MAGEF1: variants seen among roughly 807,000 people sequenced by gnomAD.
MAGEF1 encodes the protein MAGE family member F1.
For missense variants in MAGEF1, 418 were observed against 399.5 expected (o/e 1.05, Z -0.39); for synonymous variants, 150 against 163.6 (o/e 0.92, Z 0.63).
rs1197811820 is a variant in MAGEF1 at position 184,711,506 on chromosome 3, C to T, written c.316G>A (p.Val106Ile). Residue 106 changes from valine to isoleucine, a missense_variant, in exon 1 of 1, where the codon GTT becomes ATT. Transcript: ENST00000317897. The part of the protein sequence containing the change: ...PITRSEMVKY[V>I]IGDLKILFPD... ...AACAGAATCTTCAAGTCTCCAATAA[C>T]GTATTTCACCATCTCCGAGCGTGTG... 2 of 1,614,244 alleles carry T rather than the reference C, an allele frequency of 1.2e-6. No homozygotes were observed. The highest frequency in any genetic ancestry group is 2.2e-5 in the East Asian group (1 of 44,860).
Position 184,711,759 on chromosome 3 carries a change from G to A in MAGEF1, c.63C>T (p.Gly21=), listed in dbSNP as rs918782687. 2.0e-6 allele frequency: 3 copies of A among 1,522,534 alleles called. No individual in the cohort carries two copies. Among genetic ancestry groups the A allele is most frequent in the African/African-American group, 1.4e-5 (1 of 71,718 alleles). 94.3% of individuals were successfully genotyped at this position (1,522,534 alleles called of 1,614,324 possible). ...PVPQAEGEKD[G]GHDGETRAPT... ...GGGCCCGGGTCTCACCATCATGGCC[G>A]CCATCCTTCTCCCCCTCGGCCTGCG... The change falls in exon 1 of 1, where the codon GGC becomes GGT. Residue 21 remains glycine, a synonymous_variant. Coordinates refer to ENST00000317897, the MANE Select transcript of MAGEF1 (RefSeq NM_022149.5).
the MAGEF1 span, chr3:184,711,794 GC>G: frequency 1.3e-6 from 2 of 1,519,288 alleles, no homozygotes; most frequent in Non-Finnish European, 1.8e-6. Context: ...GGGACCGGGA[GC>G]CCCCTGCTCT....
At position 184,711,732 on chromosome 3, in the gene MAGEF1, C is replaced by T. The variant is rs771071177; in HGVS notation, c.90G>A (p.Pro30=). 2 of 1,533,466 alleles carry T rather than the reference C, an allele frequency of 1.3e-6. No homozygotes were observed. Among genetic ancestry groups the T allele is most frequent in the Non-Finnish European group, 1.7e-6 (2 of 1,145,972 alleles). 95.0% of individuals were successfully genotyped at this position (1,533,466 alleles called of 1,614,324 possible). A position where few individuals can be genotyped will look rare whatever the true frequency, so the allele number is the denominator to read the frequency against. The change falls in exon 1 of 1, where the codon CCG becomes CCA. Residue 30 remains proline (P), a synonymous_variant. Coordinates refer to ENST00000317897, the MANE Select transcript of MAGEF1 (RefSeq NM_022149.5). ...DGGHDGETRA[P]TASQERPKEE... Reference sequence around the variant, plus strand: ...CCTTGGGGCGCTCCTGCGAGGCGGTCGGGGCCCGGGTCTCACCATCATGGC... The same window carrying T: ...CCTTGGGGCGCTCCTGCGAGGCGGTTGGGGCCCGGGTCTCACCATCATGGC...
chr3:184,711,846 C>A lies in MAGEF1; in HGVS notation c.-25G>T. ...TGTTTTCGGGCAGGCAGGTGCAGAGCGCGTACACGGGCCGAGGGGTGTGGG... is the reference window on the plus strand; with the variant it reads ...TGTTTTCGGGCAGGCAGGTGCAGAGAGCGTACACGGGCCGAGGGGTGTGGG... On this transcript the variant is annotated 5_prime_UTR_variant, in exon 1 of 1. Coordinates refer to ENST00000317897, the MANE Select transcript of MAGEF1 (RefSeq NM_022149.5). 3 of 1,474,604 alleles carry A rather than the reference C, an allele frequency of 2.0e-6. No individual in the cohort carries two copies. Among genetic ancestry groups the A allele is most frequent in the Non-Finnish European group, 2.7e-6 (3 of 1,113,856 alleles). 91.3% of individuals were successfully genotyped at this position (1,474,604 alleles called of 1,614,324 possible). A position where few individuals can be genotyped will look rare whatever the true frequency, so the allele number is the denominator to read the frequency against.
Position 184,710,659 on chromosome 3 carries a change from T to C in MAGEF1, c.*239A>G, listed in dbSNP as rs1712187717. 1.9e-6 allele frequency: 1 copy of C among 533,414 alleles called. No individual in the cohort carries two copies. The highest frequency in any genetic ancestry group is 4.1e-5 in the Admixed American group (1 of 24,648). The allele number at this position is 533,414 out of a possible 1,614,324, so 33.0% of individuals were successfully genotyped here. ...TATAAATACAAAGTTCTTCCATCCATTTTACAAAACCAGCAAAACTCTACA... is the reference window on the plus strand; with the variant it reads ...TATAAATACAAAGTTCTTCCATCCACTTTACAAAACCAGCAAAACTCTACA... On this transcript the variant is annotated 3_prime_UTR_variant, in exon 1 of 1. Transcript: ENST00000317897.
Position 184,712,057 on chromosome 3 carries a change from C to G in MAGEF1, c.-236G>C, listed in dbSNP as rs963109492. On this transcript the variant is annotated 5_prime_UTR_variant, in exon 1 of 1. Transcript: ENST00000317897. Reference sequence around the variant, plus strand: ...CCTCAGTCCGCGCCCGCGCGAGGGGCCACTTCCGGCCACCTCAGCCAGGAC... The same window carrying G: ...CCTCAGTCCGCGCCCGCGCGAGGGGGCACTTCCGGCCACCTCAGCCAGGAC... The G allele has an allele frequency of 3.4e-6, 2 of 588,330 alleles. No homozygotes were observed. Among genetic ancestry groups the G allele is most frequent in the African/African-American group, 3.9e-5 (2 of 51,442 alleles). 36.4% of individuals were successfully genotyped at this position (588,330 alleles called of 1,614,324 possible). A position where few individuals can be genotyped will look rare whatever the true frequency, so the allele number is the denominator to read the frequency against.
In MAGEF1 at chr3:184,710,791, T is replaced by TCA. The variant is rs2108473893; in HGVS notation, c.*105_*106dup. On this transcript the variant is annotated 3_prime_UTR_variant, in exon 1 of 1. Transcript: ENST00000317897. ...AGATACAAAATCTAAATCCTTAAAG[T>TCA]CACACGATTTCTACAGAAATAAGAC... 7.2e-7 allele frequency: 1 copy of TCA among 1,382,224 alleles called. No homozygotes were observed. Among genetic ancestry groups the TCA allele is most frequent in the Non-Finnish European group, 9.4e-7 (1 of 1,058,844 alleles). The allele number at this position is 1,382,224 out of a possible 1,614,324, so 85.6% of individuals were successfully genotyped here.
chr3:184,711,801 G>T lies in MAGEF1; in HGVS notation c.21C>A (p.Ser7Arg). 6.6e-7 allele frequency: 1 copy of T among 1,515,848 alleles called. No individual in the cohort carries two copies. Among genetic ancestry groups the T allele is most frequent in the Non-Finnish European group, 8.8e-7 (1 of 1,136,376 alleles). The allele number at this position is 1,515,848 out of a possible 1,614,324, so 93.9% of individuals were successfully genotyped here. Reference protein sequence around the residue: MLQTPESRGLPVPQAEG... With the variant: MLQTPERRGLPVPQAEG... The stretch of plus-strand genomic sequence containing the variant: ...CGGCCTGCGGGACCGGGAGCCCCCT[G>T]CTCTCTGGTGTCTGCAACATGTTTT... The change falls in exon 1 of 1, where the codon AGC becomes AGA. Residue 7 changes from serine to arginine, a missense_variant. Coordinates refer to ENST00000317897, the MANE Select transcript of MAGEF1 (RefSeq NM_022149.5).
Position 184,711,018 on chromosome 3 carries a change from G to C in MAGEF1, c.804C>G (p.His268Gln), listed in dbSNP as rs2108474021. 6.2e-7 allele frequency: 1 copy of C among 1,614,242 alleles called. No homozygotes were observed. The highest frequency in any genetic ancestry group is 1.7e-5 in the Admixed American group (1 of 60,030). The change falls in exon 1 of 1, where the codon CAC becomes CAG. Residue 268 changes from histidine (H) to glutamine (Q), a missense_variant. His to Gln is a conservative substitution (Grantham distance 24, BLOSUM62 0). Transcript: ENST00000317897. ...VAKLHKKEPQ[H>Q]WPVQYREALA... ...GGGCCTCACGGTACTGCACTGGCCA[G>C]TGCTGCGGTTCCTTCTTATGCAGTT...
Position 184,711,345 on chromosome 3 carries a change from A to ATCCTCCTCCTCCTCC in MAGEF1, c.462_476dup (p.Glu154_Glu158dup), listed in dbSNP as rs34995413. 1 of 1,567,234 alleles carries ATCCTCCTCCTCCTCC rather than the reference A, an allele frequency of 6.4e-7. No homozygotes were observed. The highest frequency in any genetic ancestry group is 1.4e-5 in the African/African-American group (1 of 73,866). Reference sequence around the variant, plus strand: ...CCAATCTGGGGCCATCTCCTCCCAGATCCTCCTCCTCCTCCTCCTCCAGAG... The same window carrying ATCCTCCTCCTCCTCC: ...CCAATCTGGGGCCATCTCCTCCCAGATCCTCCTCCTCCTCCTCCTCCTCCTCCTCCTCCTCCAGAG... On this transcript the variant is annotated inframe_insertion, in exon 1 of 1. Transcript: ENST00000317897.
In MAGEF1 at chr3:184,711,853, A is replaced by G. The variant is rs758719336; in HGVS notation, c.-32T>C. ...GGGCAGGCAGGTGCAGAGCGCGTACACGGGCCGAGGGGTGTGGGAGCCGCC... is the reference window on the plus strand; with the variant it reads ...GGGCAGGCAGGTGCAGAGCGCGTACGCGGGCCGAGGGGTGTGGGAGCCGCC... On this transcript the variant is annotated 5_prime_UTR_variant, in exon 1 of 1. Transcript: ENST00000317897. The G allele has an allele frequency of 3.4e-6, 5 of 1,462,520 alleles. No homozygotes were observed. The highest frequency in any genetic ancestry group is 4.5e-6 in the Non-Finnish European group (5 of 1,107,294). The allele number at this position is 1,462,520 out of a possible 1,614,324, so 90.6% of individuals were successfully genotyped here.
At position 184,711,593 on chromosome 3, in the gene MAGEF1, T is replaced by C; in HGVS notation, c.229A>G (p.Asn77Asp). The C allele has an allele frequency of 6.2e-7, 1 of 1,613,726 alleles. No individual in the cohort carries two copies. Among genetic ancestry groups the C allele is most frequent in the Non-Finnish European group, 8.5e-7 (1 of 1,180,038 alleles). ...LARRRAYRRL[N>D]RTVAELVQFL... Reference sequence around the variant, plus strand: ...TGCACCAACTCCGCCACCGTCCGATTCAGCCGGCGGTAGGCCCTGCGCCTT... The same window carrying C: ...TGCACCAACTCCGCCACCGTCCGATCCAGCCGGCGGTAGGCCCTGCGCCTT... Residue 77 changes from asparagine (N) to aspartate (D), a missense_variant, in exon 1 of 1, where the codon AAT becomes GAT. Physicochemically the swap from Asn to Asp is conservative, Grantham distance 23 (BLOSUM62 1). Coordinates refer to ENST00000317897, the MANE Select transcript of MAGEF1 (RefSeq NM_022149.5).
Position 184,711,953 on chromosome 3 carries a change from T to A in MAGEF1, c.-132A>T. On this transcript the variant is annotated 5_prime_UTR_variant, in exon 1 of 1. Transcript: ENST00000317897. ...CAAGGAGCAATGGCAGCGGGAGCTT[T>A]GTGGCTGCTGGGCCGCACCGCACGG... The A allele has an allele frequency of 7.4e-7, 1 of 1,349,724 alleles. No homozygotes were observed. Among genetic ancestry groups the A allele is most frequent in the Non-Finnish European group, 9.6e-7 (1 of 1,045,360 alleles). The allele number at this position is 1,349,724 out of a possible 1,614,324, so 83.6% of individuals were successfully genotyped here. A position where few individuals can be genotyped will look rare whatever the true frequency, so the allele number is the denominator to read the frequency against.
rs1272444789 is a variant in MAGEF1 at position 184,710,680 on chromosome 3, C to T, written c.*218G>A. 2 of 693,338 alleles carry T rather than the reference C, an allele frequency of 2.9e-6. No individual in the cohort carries two copies. The highest frequency in any genetic ancestry group is 3.7e-5 in the African/African-American group (2 of 54,278). 42.9% of individuals were successfully genotyped at this position (693,338 alleles called of 1,614,324 possible). On this transcript the variant is annotated 3_prime_UTR_variant, in exon 1 of 1. Transcript: ENST00000317897. ...TCCATTTTACAAAACCAGCAAAACT[C>T]TACAATAAAATCCTACAGGAAAAAG...
At position 184,711,655 on chromosome 3, in the gene MAGEF1, C is replaced by A; in HGVS notation, c.167G>T (p.Arg56Leu). The A allele has an allele frequency of 6.2e-7, 1 of 1,601,178 alleles. No homozygotes were observed. The highest frequency in any genetic ancestry group is 8.5e-7 in the Non-Finnish European group (1 of 1,174,830). ...EEGAAEPALT[R>L]KGARALAAKA... ...GGCCGCCAAGGCCCTCGCGCCTTTC[C>A]GGGTGAGGGCGGGCTCCGCAGCCCC... Residue 56 changes from arginine (R) to leucine (L), a missense_variant, in exon 1 of 1, where the codon CGG becomes CTG. By Grantham distance (102) the Arg-to-Leu change is moderately radical. Transcript: ENST00000317897.
Position 184,711,971 on chromosome 3 carries a change from C to G in MAGEF1, c.-150G>C. On this transcript the variant is annotated 5_prime_UTR_variant, in exon 1 of 1. Coordinates refer to ENST00000317897, the MANE Select transcript of MAGEF1 (RefSeq NM_022149.5). The stretch of plus-strand genomic sequence containing the variant: ...GGAGCTTTGTGGCTGCTGGGCCGCA[C>G]CGCACGGGAGTCAAACCTGCGGCCG... 2.4e-6 allele frequency: 3 copies of G among 1,273,412 alleles called. No individual in the cohort carries two copies. Among genetic ancestry groups the G allele is most frequent in the Non-Finnish European group, 3.0e-6 (3 of 991,974 alleles). 78.9% of individuals were successfully genotyped at this position (1,273,412 alleles called of 1,614,324 possible).
rs1012619537 is a variant in MAGEF1, at chr3:184,711,900, T to C, written c.-79A>G. 7.0e-6 allele frequency: 10 copies of C among 1,423,090 alleles called. No individual in the cohort carries two copies. In the Admixed American group the frequency reaches 2.2e-4, roughly 31 times the overall value. 88.2% of individuals were successfully genotyped at this position (1,423,090 alleles called of 1,614,324 possible). On this transcript the variant is annotated 5_prime_UTR_variant, in exon 1 of 1. Transcript: ENST00000317897. ...CGCCGCGCAAGCCCCGGGGGAGGGG[T>C]TGGACAGCGGCAGTGACGGCGGGAG...
chr3:184,711,163 T>A lies in MAGEF1; in HGVS notation c.659A>T (p.Gln220Leu). 1 of 1,614,248 alleles carries A rather than the reference T, an allele frequency of 6.2e-7. No individual in the cohort carries two copies. The highest frequency in any genetic ancestry group is 8.5e-7 in the Non-Finnish European group (1 of 1,180,050). ...PKRLIMEDFV[Q>L]QRYLSYRRVP... ...CCGCCTGTAACTGAGATATCGCTGC[T>A]GCACAAAATCTTCCATAATAAGCCT... Residue 220 changes from glutamine (Q) to leucine (L), a missense_variant, in exon 1 of 1, where the codon CAG becomes CTG. Physicochemically the swap from Gln to Leu is moderately radical, Grantham distance 113. Coordinates refer to ENST00000317897, the MANE Select transcript of MAGEF1 (RefSeq NM_022149.5).
chr3:184,711,094 G>A lies in MAGEF1; in HGVS notation c.728C>T (p.Pro243Leu). Residue 243 changes from proline to leucine, a missense_variant, in exon 1 of 1, where the codon CCC (proline) becomes CTC (leucine). By Grantham distance (98) the Pro-to-Leu change is moderately conservative (BLOSUM62 -3). Transcript: ENST00000317897. ...CTTGCTGATTTCCAGGTTGCTTCGG[G>A]GACCCCAAGAGAATTCATATTCTGG... ...NPPEYEFSWG[P>L]RSNLEISKME... 6.2e-7 allele frequency: 1 copy of A among 1,614,208 alleles called. No individual in the cohort carries two copies. Among genetic ancestry groups the A allele is most frequent in the Non-Finnish European group, 8.5e-7 (1 of 1,180,038 alleles).
Sources: gnomAD v4.1 joint callset for allele counts on GRCh38, gnomAD v4.1.1 for gene constraint, MANE v1.5 for transcripts, NCBI Gene and HGNC (gene_info 2026-07-23, HGNC 2026-07-21) for gene names.